Variants in MAP4K3 observed in about 807,000 individuals in gnomAD.
MAP4K3 encodes MAPK/ERK kinase kinase kinase 3.
MAP4K3 carries 94 observed loss-of-function variants against 143.5 expected under a neutral mutation model. The ratio of observed to expected loss-of-function variants is 0.65; its 90% CI spans 0.55 to 0.78. MAP4K3 has a LOEUF of 0.78. Among genes scored for constraint, MAP4K3 ranks in the 30% least tolerant of loss-of-function variants. The pLI is 0.00. For missense variants in MAP4K3, 1,077 were observed against 1,068.1 expected (o/e 1.01, Z -0.12); for synonymous variants, 416 against 347.2 (o/e 1.20, Z -2.20).
intron 2 of MAP4K3, among the ~76,000 whole-genome samples, chr2:39,357,781 C>A (rs1459525291): frequency 6.6e-6 from 1 of 152,088 alleles, no homozygotes; most frequent in Non-Finnish European, 1.5e-5. Context: ...AGACTAACAC[C>A]AATTTTTATA....
rs538288913 is a variant in MAP4K3, at chr2:39,363,048, T to A, written c.155-6709A>T. ...CATACACAAAAAATTCAGCTTTAATTTATTAAATACTTGAATATTAATTAA... is the reference window on the plus strand; with the variant it reads ...CATACACAAAAAATTCAGCTTTAATATATTAAATACTTGAATATTAATTAA... On this transcript the variant is annotated intron_variant, in intron 2 of 33. Transcript: ENST00000263881. 2.6e-4 allele frequency among the ~76,000 whole-genome samples: 39 copies of A among 152,324 alleles called. No homozygotes were observed. The East Asian group carries it at 7.5e-3, about 29-fold the overall frequency.
intron 9 of MAP4K3, 78 bp downstream of exon 9, chr2:39,326,068 G>A: frequency 1.3e-6 from 2 of 1,544,170 alleles, no homozygotes; most frequent in Non-Finnish European, 1.8e-6. Context: ...ACAAGACTAA[G>A]AAAATTACTT....
intron 15 of MAP4K3, among the ~76,000 whole-genome samples, chr2:39,307,660 C>T (rs1344176484): frequency 6.6e-6 from 1 of 150,818 alleles, no homozygotes; most frequent in Non-Finnish European, 1.5e-5. Context: ...CAGGGAAATG[C>T]CATTTCTTAA....
rs1680108948 is a variant in MAP4K3, at chr2:39,250,482, C to T, written c.*136G>A. The T allele has an allele frequency of 6.2e-6, 5 of 809,754 alleles. No individual in the cohort carries two copies. In the East Asian group the frequency reaches 1.1e-4, roughly 18 times the overall value. The allele number at this position is 809,754 out of a possible 1,614,324, so 50.2% of individuals were successfully genotyped here. On this transcript the variant is annotated 3_prime_UTR_variant, in exon 34 of 34. Coordinates refer to ENST00000263881, the MANE Select transcript of MAP4K3 (RefSeq NM_003618.4). ...CCACTTAAAACAAAATTTTCCCCAT[C>T]TTATCTCATGCCACAATAAATTACA...
At chr2:39,373,520 A>T (rs1016616823) in intron 2 of MAP4K3, among the ~76,000 whole-genome samples, 20 of 152,232 alleles carry the variant, frequency 1.3e-4, no homozygotes, top group African/African-American at 4.1e-4. Flanking sequence ...ACAATAACCA[A>T]GATTTGGAAG....
intron 21 of MAP4K3, 52 bp from the exon 22 acceptor site, chr2:39,282,606 A>T (rs780653091): frequency 8.5e-7 from 1 of 1,175,588 alleles, no homozygotes; most frequent in Non-Finnish European, 1.3e-6. Context: ...TGTTTGATAT[A>T]ATAATACTGT....
chr2:39,262,912 C>T (rs1680623499), intron 28 of MAP4K3, among the ~76,000 whole-genome samples: 1 of 151,972 alleles, frequency 6.6e-6, no homozygotes, highest in Non-Finnish European at 1.5e-5. Flanking sequence ...CGAGACCAGC[C>T]TAGCCAAGAT....
chr2:39,398,636 G>T (rs553913455), intron 1 of MAP4K3, among the ~76,000 whole-genome samples: 314 of 150,610 alleles, frequency 2.1e-3, no homozygotes, highest in African/African-American at 7.4e-3. Context: ...GAAATTGGTG[G>T]CATGGTTAAT....
At chr2:39,301,896 C>T (rs1232771476) in intron 15 of MAP4K3, among the ~76,000 whole-genome samples, 1 of 151,840 alleles carries the variant, frequency 6.6e-6, no homozygotes, top group African/African-American at 2.4e-5. Flanking sequence ...TGGTGGCTCG[C>T]GCCTGTAGTC....
chr2:39,363,465 T>G (rs575054186), intron 2 of MAP4K3, among the ~76,000 whole-genome samples: 5 of 152,034 alleles, frequency 3.3e-5, no homozygotes, highest in Non-Finnish European at 7.4e-5. Flanking sequence ...GTCAGGAGTT[T>G]GAGACCAGCC....
Position 39,250,672 on chromosome 2 carries a change from G to A in MAP4K3, c.2631C>T (p.Asn877=), listed in dbSNP as rs1463316485. ...VVVLESRPTD[N]PTANSNLYIL... Reference sequence around the variant, plus strand: ...TGTACAAATTGCTATTTGCTGTGGGGTTATCAGTTGGCCTACTTTCCAAAA... The same window carrying A: ...TGTACAAATTGCTATTTGCTGTGGGATTATCAGTTGGCCTACTTTCCAAAA... Residue 877 remains asparagine, a synonymous_variant, in exon 34 of 34, where the codon AAC becomes AAT. Coordinates refer to ENST00000263881, the MANE Select transcript of MAP4K3 (RefSeq NM_003618.4). 2 of 1,613,942 alleles carry A rather than the reference G, an allele frequency of 1.2e-6. No homozygotes were observed. The highest frequency in any genetic ancestry group is 1.1e-5 in the South Asian group (1 of 91,044).
At chr2:39,411,181 C>G (rs1161511325) in intron 1 of MAP4K3, among the ~76,000 whole-genome samples, 1 of 152,146 alleles carries the variant, frequency 6.6e-6, no homozygotes, top group African/African-American at 2.4e-5. Context: ...GAAATGTTTT[C>G]TTCTTGGCGT....
rs940469113 is a variant in MAP4K3, at chr2:39,269,713, C to T, written c.1974-2466G>A. Among the ~76,000 whole-genome samples, 8 of 152,100 alleles carry T rather than the reference C, an allele frequency of 5.3e-5. No homozygotes were observed. In the South Asian group the frequency reaches 8.3e-4, roughly 16 times the overall value. Reference sequence around the variant, plus strand: ...AAGTACTTGTCTTTGTGAATCAAAACGTTTTTCACACTGTGACAGCTAAAC... The same window carrying T: ...AAGTACTTGTCTTTGTGAATCAAAATGTTTTTCACACTGTGACAGCTAAAC... On this transcript the variant is annotated intron_variant, in intron 26 of 33. Coordinates refer to ENST00000263881, the MANE Select transcript of MAP4K3 (RefSeq NM_003618.4).
chr2:39,404,251 TGGGG>T, intron 1 of MAP4K3, among the ~76,000 whole-genome samples: 1 of 152,170 alleles, frequency 6.6e-6, no homozygotes, highest in African/African-American at 2.4e-5. Context: ...TCAGCCACAG[TGGGG>T]TAGAGCACCA....
At chr2:39,365,895 C>CACATCT (rs1665909365) in intron 2 of MAP4K3, among the ~76,000 whole-genome samples, 1 of 152,194 alleles carries the variant, frequency 6.6e-6, no homozygotes, top group Non-Finnish European at 1.5e-5. Context: ...AGTGAGAACA[C>CACATCT]ACATCTACGT....
chr2:39,268,509 C>A (rs1030627515), intron 26 of MAP4K3, among the ~76,000 whole-genome samples: 3 of 151,656 alleles, frequency 2.0e-5, no homozygotes, highest in African/African-American at 7.3e-5. Flanking sequence ...TTAGTAGAGA[C>A]GGGGTTGTGC....
At chr2:39,251,090 C>A (rs1680140682) in intron 33 of MAP4K3, among the ~76,000 whole-genome samples, 1 of 152,196 alleles carries the variant, frequency 6.6e-6, no homozygotes, top group Non-Finnish European at 1.5e-5. Flanking sequence ...TACCCAGACA[C>A]TGGTATTCAG....
chr2:39,363,212 A>C (rs1021451745), intron 2 of MAP4K3, among the ~76,000 whole-genome samples: 27 of 152,330 alleles, frequency 1.8e-4, no homozygotes, highest in African/African-American at 5.5e-4. Flanking sequence ...CAGACAACTG[A>C]AATTCCACCA....
intron 23 of MAP4K3, among the ~76,000 whole-genome samples, chr2:39,279,798 A>T (rs954625706): frequency 2.0e-5 from 3 of 152,094 alleles, no homozygotes; most frequent in Non-Finnish European, 2.9e-5. Context: ...AAATTAAAAA[A>T]CAAAAACAGC....
Sources: allele counts gnomAD v4.1 joint callset (sites outside exome capture counted in the v4.1 genomes callset), GRCh38; gene constraint gnomAD v4.1.1; transcripts MANE v1.5; gene names NCBI Gene and HGNC (gene_info 2026-07-23, HGNC 2026-07-21).